The following SNX31 variants were observed in gnomAD, a reference collection of about 807,000 sequenced individuals.
The protein encoded by SNX31 is sorting nexin-31.
A neutral mutation model predicts 65.4 loss-of-function variants in SNX31; 58 were observed. The ratio of observed to expected loss-of-function variants is 0.89; its 90% CI spans 0.72 to 1.10. The LOEUF (loss-of-function observed/expected upper bound fraction) is 1.10. Among genes scored for constraint, SNX31 ranks in the 50% least tolerant of loss-of-function variants. The probability of loss-of-function intolerance (pLI) is 0.00; values close to 1 mark genes in which losing one functional copy is unlikely to be tolerated. For missense variants in SNX31, 523 were observed against 529.7 expected, an observed-to-expected ratio of 0.99 and a Z score of 0.12; for synonymous variants, 181 against 190.1, an observed-to-expected ratio of 0.95 and a Z score of 0.39.
At chr8:100,603,438 T>G (rs1405065482) in intron 8 of SNX31, among the ~76,000 whole-genome samples, 1 of 135,890 alleles carries the variant, frequency 7.4e-6, no homozygotes, top group African/African-American at 2.8e-5. Flanking sequence ...TTTCATTACC[T>G]TTTTTTTTTT....
At chr8:100,602,805 A>G (rs1051904384) in intron 8 of SNX31, among the ~76,000 whole-genome samples, 2 of 152,224 alleles carry the variant, frequency 1.3e-5, no homozygotes, top group Non-Finnish European at 2.9e-5. Context: ...TCATCATACT[A>G]CTTAGAATGG....
chr8:100,640,071 A>T (rs1259162008), intron 2 of SNX31, among the ~76,000 whole-genome samples: 1 of 152,212 alleles, frequency 6.6e-6, no homozygotes, highest in Non-Finnish European at 1.5e-5. Context: ...TTTTAAATAA[A>T]TAGGAGCGAC....
chr8:100,646,669 T>C (rs188856305), intron 2 of SNX31, among the ~76,000 whole-genome samples: 2 of 151,736 alleles, frequency 1.3e-5, no homozygotes, highest in East Asian at 3.9e-4. Flanking sequence ...AGGGGACTTT[T>C]AGAGTGAGGC....
intron 4 of SNX31, among the ~76,000 whole-genome samples, chr8:100,623,702 A>G (rs1259088532): frequency 6.6e-6 from 1 of 152,136 alleles, no homozygotes; most frequent in African/African-American, 2.4e-5. Flanking sequence ...TTCTCCTTCC[A>G]GAAGGACTTG....
chr8:100,576,565 G>C lies in SNX31; in HGVS notation c.1227+454C>G, dbSNP rs1813062223. Among the ~76,000 whole-genome samples the C allele has an allele frequency of 6.6e-6, 1 of 152,190 alleles. No individual in the cohort carries two copies. Among genetic ancestry groups the C allele is most frequent in the Non-Finnish European group, 1.5e-5 (1 of 68,036 alleles). On this transcript the variant is annotated intron_variant, in intron 13 of 13. Transcript: ENST00000311812. This position sits in a 1 kb window ranked among gnomAD's most constrained non-coding sequence, Gnocchi z 4.8. ...TTAGAATACTGCCTGGCAATAATGAGTGCTCAAAAATGTCATTGATTGTGA... is the reference window on the plus strand; with the variant it reads ...TTAGAATACTGCCTGGCAATAATGACTGCTCAAAAATGTCATTGATTGTGA...
chr8:100,607,062 G>A (rs990473899), intron 8 of SNX31, among the ~76,000 whole-genome samples: 1 of 152,120 alleles, frequency 6.6e-6, no homozygotes, highest in Non-Finnish European at 1.5e-5. Context: ...TACTTACATT[G>A]GCAGATGGTA....
intron 10 of SNX31, 71 bp downstream of exon 10, chr8:100,596,568 G>A (rs1197165781): frequency 7.7e-7 from 1 of 1,303,436 alleles, no homozygotes; most frequent in African/African-American, 1.5e-5. Flanking sequence ...TGTCTCCCTA[G>A]TGTCAACTTT....
chr8:100,631,276 C>T (rs1435187689), intron 3 of SNX31, among the ~76,000 whole-genome samples: 1 of 152,082 alleles, frequency 6.6e-6, no homozygotes, highest in African/African-American at 2.4e-5. Context: ...GACACACCCC[C>T]ATGAGAACTG....
At chr8:100,611,946 T>A in intron 7 of SNX31, 54 bp downstream of exon 7, 1 of 1,370,250 alleles carries the variant, frequency 7.3e-7, no homozygotes, top group South Asian at 1.2e-5. Context: ...TAAGTCCTGA[T>A]GGGCAATGGC....
intron 1 of SNX31, among the ~76,000 whole-genome samples, chr8:100,659,183 T>A (rs963539825): frequency 1.3e-5 from 2 of 151,730 alleles, no homozygotes; most frequent in African/African-American, 4.8e-5. Flanking sequence ...CCATCTCTAC[T>A]AAAAATATAA....
intron 1 of SNX31, among the ~76,000 whole-genome samples, chr8:100,662,193 A>C (rs1809799097): frequency 6.6e-6 from 1 of 152,288 alleles, no homozygotes; most frequent in East Asian, 1.9e-4. Flanking sequence ...TGATGAGCTC[A>C]CTGAAAAACT....
intron 8 of SNX31, 44 bp downstream of exon 8, chr8:100,608,450 G>A (rs1816387311): frequency 6.3e-7 from 1 of 1,590,136 alleles, no homozygotes; most frequent in Admixed American, 1.7e-5. Context: ...AAGCCAACAT[G>A]GCCTATGATC....
rs1378832982 is a variant in SNX31, at chr8:100,657,477, A to AAAAG, written c.-58+5661_-58+5664dup. 3.7e-3 allele frequency among the ~76,000 whole-genome samples: 561 copies of AAAAG among 151,958 alleles called. 5 individuals are homozygous for AAAAG. The highest frequency in any genetic ancestry group is 0.011 in the African/African-American group (473 of 41,446). The stretch of plus-strand genomic sequence containing the variant: ...CAAAAAAAAAAAAAGAAAAAAGAAA[A>AAAAG]AAAGAAAGAAAGAAAAGGGAGGGAA... On this transcript the variant is annotated intron_variant, in intron 1 of 5. Coordinates refer to the SNX31 transcript ENST00000520352.
At chr8:100,652,253 C>T (rs1014986925), upstream of SNX31, among the ~76,000 whole-genome samples, 8 of 152,222 alleles carry the variant, frequency 5.3e-5, no homozygotes, top group African/African-American at 1.9e-4. Flanking sequence ...CGTGGGATTA[C>T]AGGTGTGAGC....
chr8:100,624,709 A>T (rs1056650276), intron 4 of SNX31, among the ~76,000 whole-genome samples: 2 of 152,242 alleles, frequency 1.3e-5, no homozygotes, highest in African/African-American at 4.8e-5. Flanking sequence ...AAATTAATGA[A>T]ATGTAAACGC....
In SNX31 at chr8:100,588,682, C is replaced by T. The variant is rs561574349; in HGVS notation, c.1092+184G>A. Among the ~76,000 whole-genome samples, 55 of 152,250 alleles carry T rather than the reference C, an allele frequency of 3.6e-4. No individual in the cohort carries two copies. Among genetic ancestry groups the T allele is most frequent in the African/African-American group, 1.2e-3 (51 of 41,542 alleles). On this transcript the variant is annotated intron_variant, in intron 11 of 13. Coordinates refer to ENST00000311812, the MANE Select transcript of SNX31 (RefSeq NM_152628.4). This position sits in a 1 kb window ranked among gnomAD's most constrained non-coding sequence, Gnocchi z 4.8. The stretch of plus-strand genomic sequence containing the variant: ...TCATTTCTAACTGATACAAAGGCCA[C>T]GGTGACTAGTAAAATATAACAAAAC...
At chr8:100,652,561 A>G (rs1819993883), upstream of SNX31, among the ~76,000 whole-genome samples, 1 of 152,192 alleles carries the variant, frequency 6.6e-6, no homozygotes, top group South Asian at 2.1e-4. Context: ...TTTCTGTAAT[A>G]TGGCCCATAG....
chr8:100,637,283 T>C (rs904072713), intron 2 of SNX31, among the ~76,000 whole-genome samples: 1 of 152,144 alleles, frequency 6.6e-6, no homozygotes, highest in African/African-American at 2.4e-5. Context: ...ACAGATTCAT[T>C]CTCCTGAAAA....
intron 4 of SNX31, among the ~76,000 whole-genome samples, chr8:100,623,750 A>G (rs923091483): frequency 1.3e-5 from 2 of 151,996 alleles, no homozygotes; most frequent in South Asian, 4.2e-4. Context: ...TCACACTCCC[A>G]TCTTCCACTT....
Sources: gnomAD v4.1 joint callset for allele counts (sites outside exome capture counted in the v4.1 genomes callset) on GRCh38, gnomAD v4.1.1 for gene constraint, Gnocchi (gnomAD v3.1) non-coding constraint, MANE v1.5 for transcripts, NCBI Gene and HGNC (gene_info 2026-07-23, HGNC 2026-07-21) for gene names.